Variants in PHC3 observed in about 807,000 individuals in gnomAD.
The protein encoded by PHC3 is polyhomeotic-like protein 3.
Under a neutral mutation model 107.4 loss-of-function variants are expected in PHC3, and 13 were observed. That is an observed-to-expected ratio of 0.12 (90% CI 0.08 to 0.19). The LOEUF is 0.19. Ranked by LOEUF, PHC3 falls within the 10% of genes least tolerant of loss-of-function variation. The pLI, the probability that PHC3 is intolerant of heterozygous loss-of-function variation, is 1.00. For missense variants in PHC3, 992 were observed against 1,210.9 expected (o/e 0.82, Z 2.68); for synonymous variants, 456 against 427.4 (o/e 1.07, Z -0.83).
chr3:170,115,103 A>G (rs1718641530), intron 10 of PHC3, among the ~76,000 whole-genome samples: 1 of 152,180 alleles, frequency 6.6e-6, no homozygotes, highest in Non-Finnish European at 1.5e-5. Context: ...ATTTCTAGGA[A>G]TTCATACTAA....
chr3:170,098,280 T>C (rs1714912822), intron 14 of PHC3, among the ~76,000 whole-genome samples: 1 of 152,076 alleles, frequency 6.6e-6, no homozygotes, highest in Non-Finnish European at 1.5e-5. Context: ...TGAGAGAATA[T>C]AAAAATATGG....
At chr3:170,125,425 TTATC>T (rs1438149938) in intron 8 of PHC3, among the ~76,000 whole-genome samples, 2 of 152,206 alleles carry the variant, frequency 1.3e-5, no homozygotes, top group African/African-American at 4.8e-5. Context: ...CAGTTCAATT[TTATC>T]TATGTAGCAT....
chr3:170,162,640 T>C (rs1020528063), intron 4 of PHC3, among the ~76,000 whole-genome samples: 5 of 152,208 alleles, frequency 3.3e-5, no homozygotes, highest in African/African-American at 1.2e-4. Flanking sequence ...TACAAGAACA[T>C]TTAACTCCAT....
intron 12 of PHC3, among the ~76,000 whole-genome samples, chr3:170,103,828 G>GT (rs1715946048): frequency 6.6e-6 from 1 of 152,190 alleles, no homozygotes; most frequent in Admixed American, 6.5e-5. Context: ...AAGGTGGGTG[G>GT]ATTACTTAAG....
intron 9 of PHC3, among the ~76,000 whole-genome samples, chr3:170,120,415 G>A (rs11923007): frequency 0.034 from 5,104 of 151,852 alleles, 292 homozygotes; most frequent in African/African-American, 0.12. Flanking sequence ...GTGAAACCCC[G>A]TGTCCACTAA....
At position 170,156,682 on chromosome 3, in the gene PHC3, C is replaced by T. The variant is rs1412344045; in HGVS notation, c.415-7438G>A. ...GCGCCATCTTGGCTCACTGCAAACT[C>T]CGCCTCCTGGGTTCAAGTGATTCTC... On this transcript the variant is annotated intron_variant, in intron 4 of 14. Coordinates refer to ENST00000495893, the MANE Select transcript of PHC3 (RefSeq NM_024947.4). Among the ~76,000 whole-genome samples, 10 of 152,014 alleles carry T rather than the reference C, an allele frequency of 6.6e-5. No homozygotes were observed. In the East Asian group the frequency reaches 1.7e-3, roughly 26 times the overall value.
In PHC3 at chr3:170,102,666, A is replaced by G; in HGVS notation, c.2646T>C (p.His882=). The part of the protein sequence containing the change: ...YPSAEEDLAS[H]EDSVPSAMTT... ...TCATAGCAGATGGCACAGAATCTTC[A>G]TGAGAAGCCAAGTCTTCTTCTGCAG... is the stretch of plus-strand genomic sequence containing the variant. Residue 882 remains histidine, a synonymous_variant, in exon 14 of 15, where the codon CAT becomes CAC. Coordinates refer to ENST00000495893, the MANE Select transcript of PHC3 (RefSeq NM_024947.4). 1 of 1,613,978 alleles carries G rather than the reference A, an allele frequency of 6.2e-7. No homozygotes were observed.
intron 6 of PHC3, among the ~76,000 whole-genome samples, chr3:170,137,640 C>T (rs757125168): frequency 3.9e-5 from 6 of 152,248 alleles, no homozygotes; most frequent in Admixed American, 2.0e-4. Flanking sequence ...AAAAGCTATA[C>T]CTTCTCCCAG....
At chr3:170,126,504 G>GTATATATATATATATA (rs1174515889) in intron 8 of PHC3, among the ~76,000 whole-genome samples, 1 of 117,320 alleles carries the variant, frequency 8.5e-6, no homozygotes, top group African/African-American at 3.5e-5. Flanking sequence ...TGCTCCATAT[G>GTATATATATATATATA]TATATATATA....
intron 2 of PHC3, among the ~76,000 whole-genome samples, chr3:170,173,300 C>T (rs1729918041): frequency 6.6e-6 from 1 of 151,868 alleles, no homozygotes; most frequent in South Asian, 2.1e-4. Context: ...CAAAAACTTA[C>T]AAATTAAAAC....
At chr3:170,159,777 G>GA (rs1436194592) in intron 4 of PHC3, among the ~76,000 whole-genome samples, 1 of 151,954 alleles carries the variant, frequency 6.6e-6, no homozygotes, top group African/African-American at 2.4e-5. Context: ...ATTCTGGAAA[G>GA]AAAAAACAGG....
At position 170,178,934 on chromosome 3, in the gene PHC3, T is replaced by C. The variant is rs1347883819; in HGVS notation, c.19A>G (p.Lys7Glu). Residue 7 changes from lysine (K) to glutamate (E), a missense_variant, in exon 2 of 15, where the codon AAG becomes GAG. By Grantham distance (56) the Lys-to-Glu change is moderately conservative. This residue lies in a region of PHC3 where 161 missense variants were observed against 183.7 expected (regional missense o/e 0.88). Transcript: ENST00000495893. MAEAEF[K>E]DHSTAMDTEP... ...GTATCCATAGCTGTACTATGGTCCT[T>C]AAATCTGGCAGGTCACACAAAGTGT... is the stretch of plus-strand genomic sequence containing the variant. 1.9e-6 allele frequency: 3 copies of C among 1,611,430 alleles called. No individual in the cohort carries two copies. Among genetic ancestry groups the C allele is most frequent in the Non-Finnish European group, 2.5e-6 (3 of 1,178,192 alleles).
At chr3:170,149,057 C>G in intron 5 of PHC3, 29 bp downstream of exon 5, 2 of 1,602,846 alleles carry the variant, frequency 1.2e-6, no homozygotes, top group South Asian at 2.2e-5. Context: ...TCCTTAAACA[C>G]TGAAAAAATT....
intron 9 of PHC3, among the ~76,000 whole-genome samples, chr3:170,119,036 T>TAAAAAAAAAAAAAAAAAAGA (rs1719624702): frequency 1.4e-5 from 1 of 72,670 alleles, no homozygotes; most frequent in African/African-American, 4.8e-5. Context: ...TATAAAAAGC[T>TAAAAAAAAAAAAAAAAAAGA]AAAAAAAAAA....
At chr3:170,131,594 G>A (rs1722272824) in intron 7 of PHC3, among the ~76,000 whole-genome samples, 1 of 152,230 alleles carries the variant, frequency 6.6e-6, no homozygotes. Context: ...AGCATTTTGT[G>A]AGGCTGAGGT....
chr3:170,163,255 T>TA (rs541395748), intron 4 of PHC3, among the ~76,000 whole-genome samples: 95 of 142,292 alleles, frequency 6.7e-4, no homozygotes, highest in South Asian at 1.6e-3. Context: ...TAGAAAGTCA[T>TA]AAAAAAAAAA....
chr3:170,143,566 A>G (rs1560088450), intron 6 of PHC3, among the ~76,000 whole-genome samples: 1 of 152,166 alleles, frequency 6.6e-6, no homozygotes, highest in Non-Finnish European at 1.5e-5. Flanking sequence ...ATGACCCTAA[A>G]ATACCCATTT....
intron 1 of PHC3, among the ~76,000 whole-genome samples, chr3:170,181,325 C>T (rs1369924809): frequency 6.6e-6 from 1 of 151,974 alleles, no homozygotes; most frequent in Non-Finnish European, 1.5e-5. Context: ...CCTCCGCGGG[C>T]CCCTGCGCAG....
chr3:170,100,117 C>T (rs1246125392), intron 14 of PHC3, among the ~76,000 whole-genome samples: 1 of 151,892 alleles, frequency 6.6e-6, no homozygotes, highest in Non-Finnish European at 1.5e-5. Flanking sequence ...GTTAACAAGA[C>T]GATATACAAA....
Sources: allele counts gnomAD v4.1 joint callset (sites outside exome capture counted in the v4.1 genomes callset), GRCh38; gene constraint gnomAD v4.1.1; regional missense constraint gnomAD v4.1.1; transcripts MANE v1.5; gene names NCBI Gene and HGNC (gene_info 2026-07-23, HGNC 2026-07-21).